KCNN2: variants seen among roughly 807,000 people sequenced by gnomAD.
KCNN2 encodes the protein small conductance calcium-activated potassium channel protein 2.
In KCNN2, 24 loss-of-function variants were observed where a neutral mutation model predicts 55.5. That is an observed-to-expected ratio of 0.43 (90% CI 0.31 to 0.61). The LOEUF is 0.61. Ranked by LOEUF, KCNN2 falls within the 20% of genes least tolerant of loss-of-function variation. The probability of loss-of-function intolerance (pLI) is 0.08; values close to 1 mark genes in which losing one functional copy is unlikely to be tolerated. For synonymous variants in KCNN2, 431 were observed against 336.1 expected (o/e 1.28, Z -3.09); for missense variants, 754 against 853.6 (o/e 0.88, Z 1.45).
At chr5:114,147,108 A>G (rs1752414087) in intron 1 of KCNN2, among the ~76,000 whole-genome samples, 1 of 152,194 alleles carries the variant, frequency 6.6e-6, no homozygotes, top group African/African-American at 2.4e-5. Context: ...TGGAGTAGAA[A>G]TGACTTTATC....
At chr5:114,175,107 G>A (rs1277292685) in intron 1 of KCNN2, among the ~76,000 whole-genome samples, 1 of 152,164 alleles carries the variant, frequency 6.6e-6, no homozygotes, top group South Asian at 2.1e-4. Context: ...GCAAGAGGTA[G>A]TTATAAGCTG....
In KCNN2 at chr5:114,380,221, T is replaced by C. The variant is rs183483033; in HGVS notation, c.1218+16220T>C. On this transcript the variant is annotated intron_variant, in intron 2 of 7. Transcript: ENST00000673685. ...GGAAAACTCCTTTTGGGAATTTCTG[T>C]GTCAATTGTTGCCGTTTTCTTCTAA... Among the ~76,000 whole-genome samples the C allele has an allele frequency of 5.1e-3, 770 of 152,296 alleles. 4 individuals are homozygous for C. Among genetic ancestry groups the C allele is most frequent in the Non-Finnish European group, 6.1e-3 (413 of 68,032 alleles).
intron 2 of KCNN2, among the ~76,000 whole-genome samples, chr5:114,402,992 G>A (rs922580029): frequency 1.3e-5 from 2 of 152,228 alleles, no homozygotes; most frequent in Non-Finnish European, 2.9e-5. Context: ...GGTGCGAGGA[G>A]CAAGTGCATT....
intron 3 of KCNN2, among the ~76,000 whole-genome samples, chr5:114,442,627 CT>C (rs1760259713): frequency 6.6e-6 from 1 of 152,092 alleles, no homozygotes; most frequent in Non-Finnish European, 1.5e-5. Flanking sequence ...TCGCCAGATG[CT>C]ATTGGGGCTT....
intron 3 of KCNN2, among the ~76,000 whole-genome samples, chr5:114,422,440 A>G (rs1293400314): frequency 6.6e-6 from 1 of 152,092 alleles, no homozygotes; most frequent in Non-Finnish European, 1.5e-5. Context: ...CCGACACTGA[A>G]TCTTCCTGTG....
At chr5:114,453,742 T>C (rs1357447830) in intron 3 of KCNN2, among the ~76,000 whole-genome samples, 3 of 152,210 alleles carry the variant, frequency 2.0e-5, no homozygotes, top group Non-Finnish European at 4.4e-5. Flanking sequence ...CTAACTGCAT[T>C]ACGGTTACTT....
At chr5:114,467,300 G>A (rs1442243859) in intron 4 of KCNN2, among the ~76,000 whole-genome samples, 2 of 152,140 alleles carry the variant, frequency 1.3e-5, no homozygotes, top group African/African-American at 4.8e-5. Context: ...AACACTCTCT[G>A]TTTCCATTTG....
At chr5:114,368,869 C>A (rs1757682331) in intron 2 of KCNN2, among the ~76,000 whole-genome samples, 1 of 55,550 alleles carries the variant, frequency 1.8e-5, no homozygotes, top group African/African-American at 5.5e-5. Context: ...GGACCTATTT[C>A]ATTTTTTTTT....
chr5:114,159,035 A>G (rs1355133271), intron 1 of KCNN2, among the ~76,000 whole-genome samples: 1 of 152,122 alleles, frequency 6.6e-6, no homozygotes, highest in Non-Finnish European at 1.5e-5. Flanking sequence ...AACCTCCAAC[A>G]CTATGTTGGA....
chr5:114,158,100 T>A (rs1461158876), intron 1 of KCNN2, among the ~76,000 whole-genome samples: 2 of 152,144 alleles, frequency 1.3e-5, no homozygotes, highest in Admixed American at 1.3e-4. Flanking sequence ...CTGAATGGTA[T>A]TGCCTAGGTT....
At chr5:114,434,546 A>G (rs1467854248) in intron 3 of KCNN2, among the ~76,000 whole-genome samples, 2 of 152,220 alleles carry the variant, frequency 1.3e-5, no homozygotes, top group East Asian at 1.9e-4. Context: ...AAAGCCAGAT[A>G]TAAGATACTG....
At chr5:114,338,192 A>C (rs1202039640) in intron 2 of KCNN2, among the ~76,000 whole-genome samples, 4 of 152,202 alleles carry the variant, frequency 2.6e-5, no homozygotes, top group African/African-American at 9.6e-5. Context: ...GTAGGTGAAT[A>C]CAAATTATTC....
At chr5:114,424,273 G>C (rs977031247) in intron 3 of KCNN2, among the ~76,000 whole-genome samples, 2 of 152,108 alleles carry the variant, frequency 1.3e-5, no homozygotes, top group African/African-American at 4.8e-5. Context: ...AACTGAACCT[G>C]CAGGCTTGTT....
intron 1 of KCNN2, among the ~76,000 whole-genome samples, chr5:114,102,845 T>C (rs538408870): frequency 6.6e-6 from 1 of 152,330 alleles, no homozygotes; most frequent in Admixed American, 6.5e-5. Context: ...TGTAGCCTTG[T>C]AGTGTAGTTT....
chr5:114,274,633 G>A (rs958247225), intron 2 of KCNN2, among the ~76,000 whole-genome samples: 7 of 152,082 alleles, frequency 4.6e-5, no homozygotes, highest in African/African-American at 1.7e-4. Context: ...TTGGCTCTCT[G>A]TTTGTCTGTT....
chr5:114,150,348 T>C (rs1752496200), intron 1 of KCNN2, among the ~76,000 whole-genome samples: 1 of 152,032 alleles, frequency 6.6e-6, no homozygotes, highest in Non-Finnish European at 1.5e-5. Flanking sequence ...ATACCACACA[T>C]CTACAACCAT....
chr5:114,190,661 C>G (rs867177816), intron 1 of KCNN2, among the ~76,000 whole-genome samples: 1 of 151,910 alleles, frequency 6.6e-6, no homozygotes, highest in Admixed American at 6.6e-5. Context: ...ATATTGTTTT[C>G]TAAATGAGAC....
chr5:114,210,575 T>C (rs1426862365), intron 1 of KCNN2, among the ~76,000 whole-genome samples: 1 of 152,178 alleles, frequency 6.6e-6, no homozygotes, highest in Non-Finnish European at 1.5e-5. Flanking sequence ...TTTTCATGTA[T>C]ATACCATTGT....
At chr5:114,409,791 G>A (rs1354669209) in intron 3 of KCNN2, among the ~76,000 whole-genome samples, 1 of 152,030 alleles carries the variant, frequency 6.6e-6, no homozygotes, top group Admixed American at 6.6e-5. Context: ...CCTATGGGAG[G>A]CATTTATTCC....
Sources: allele counts gnomAD v4.1 joint callset (sites outside exome capture counted in the v4.1 genomes callset), GRCh38; gene constraint gnomAD v4.1.1; transcripts MANE v1.5; gene names NCBI Gene and HGNC (gene_info 2026-07-23, HGNC 2026-07-21).